Variants in ABAT observed in about 807,000 individuals in gnomAD.
The protein encoded by ABAT is 4-aminobutyrate aminotransferase, mitochondrial.
ABAT carries 45 observed loss-of-function variants against 64.6 expected under a neutral mutation model. The ratio of observed to expected loss-of-function variants is 0.70; its 90% CI spans 0.55 to 0.89. The LOEUF (loss-of-function observed/expected upper bound fraction) is 0.89, where lower values mean the gene tolerates loss of function less well. Ranked by LOEUF, ABAT falls within the 40% of genes least tolerant of loss-of-function variation. The probability of loss-of-function intolerance (pLI) is 0.00; values close to 1 mark genes in which losing one functional copy is unlikely to be tolerated. For missense variants in ABAT, 633 were observed against 658.4 expected (o/e 0.96, Z 0.42); for synonymous variants, 297 against 250.5 (o/e 1.19, Z -1.75).
At chr16:8,746,521 T>G (rs1283276863) in intron 3 of ABAT, among the ~76,000 whole-genome samples, 4 of 151,842 alleles carry the variant, frequency 2.6e-5, no homozygotes, top group Middle Eastern at 3.4e-3. Context: ...GCTGGGATTT[T>G]AGGCACGCAC....
In ABAT at chr16:8,738,759, C is replaced by G. The variant is rs533866111; in HGVS notation, c.70+2950C>G. Among the ~76,000 whole-genome samples the G allele has an allele frequency of 6.4e-4, 98 of 152,032 alleles. No homozygotes were observed. The South Asian group carries it at 0.018, about 29-fold the overall frequency. On this transcript the variant is annotated intron_variant, in intron 2 of 15. Transcript: ENST00000268251. ...TCCCGGATTCAAGTGATCCTCCTGC[C>G]TCAGCCTCCCAAGTAGCTGGGATTA...
rs76760745 is a variant in ABAT at position 8,730,679 on chromosome 16, G to C, written c.-41-5020G>C. Among the ~76,000 whole-genome samples, 6 of 152,244 alleles carry C rather than the reference G, an allele frequency of 3.9e-5. No homozygotes were observed. The East Asian group carries it at 1.2e-3, about 29-fold the overall frequency. ...CTAGGATGGAATTTCTGTCCACTGT[G>C]GGGCTGGGTAGAGTTAGGCAGCCCA... On this transcript the variant is annotated intron_variant, in intron 1 of 15. Coordinates refer to ENST00000268251, the MANE Select transcript of ABAT (RefSeq NM_020686.6).
At chr16:8,743,955 C>T (rs74391568) in intron 2 of ABAT, among the ~76,000 whole-genome samples, 3,318 of 152,158 alleles carry the variant, frequency 0.022, 122 homozygotes, top group African/African-American at 0.074. Context: ...GGATACACCG[C>T]ACCTGTCTTT....
chr16:8,737,951 A>G (rs2059006366), intron 2 of ABAT, among the ~76,000 whole-genome samples: 1 of 19,102 alleles, frequency 5.2e-5, no homozygotes, highest in Non-Finnish European at 1.2e-4. Flanking sequence ...AAAGGAAGAA[A>G]GGAAGGAAGG....
intron 1 of ABAT, among the ~76,000 whole-genome samples, chr16:8,706,204 G>A (rs1234596991): frequency 6.7e-6 from 1 of 150,276 alleles, no homozygotes; most frequent in Non-Finnish European, 1.5e-5. Flanking sequence ...GACCAGTCTG[G>A]GCAACATGAT....
chr16:8,784,318 G>A lies in ABAT; in HGVS notation c.*2888G>A, dbSNP rs964273231. ...ACGCTCAGTAACCATGCAAAATTGT[G>A]TATAGCATTAATGTATCTACATACC... On this transcript the variant is annotated 3_prime_UTR_variant, in exon 16 of 16. Transcript: ENST00000268251. 6.6e-6 allele frequency: 1 copy of A among 152,596 alleles called. No homozygotes were observed. Among genetic ancestry groups the A allele is most frequent in the Non-Finnish European group, 1.5e-5 (1 of 68,022 alleles). The allele number at this position is 152,596 out of a possible 1,614,324, so 9.5% of individuals were successfully genotyped here.
intron 9 of ABAT, 94 bp downstream of exon 9, chr16:8,766,364 G>A: frequency 1.6e-6 from 2 of 1,285,400 alleles, no homozygotes; most frequent in Non-Finnish European, 2.2e-6. Flanking sequence ...CCTCAATTAG[G>A]AAGGGCCAGG....
At chr16:8,754,521 C>A (rs564809431) in intron 5 of ABAT, among the ~76,000 whole-genome samples, 3 of 152,164 alleles carry the variant, frequency 2.0e-5, no homozygotes, top group African/African-American at 4.8e-5. Flanking sequence ...TTAGTGTGAA[C>A]CTTGTGGTGG....
intron 1 of ABAT, among the ~76,000 whole-genome samples, chr16:8,723,212 G>A (rs1201675722): frequency 1.3e-5 from 2 of 152,170 alleles, no homozygotes; most frequent in East Asian, 3.8e-4. Flanking sequence ...CAGCCTGGGT[G>A]ACAGAGTAAG....
intron 1 of ABAT, among the ~76,000 whole-genome samples, chr16:8,712,332 C>T (rs1473766912): frequency 6.6e-6 from 1 of 152,188 alleles, no homozygotes; most frequent in Admixed American, 6.5e-5. Flanking sequence ...ATACTGATGT[C>T]TACAGTTAAC....
intron 2 of ABAT, among the ~76,000 whole-genome samples, chr16:8,744,534 G>A (rs1214736167): frequency 3.3e-5 from 5 of 151,710 alleles, no homozygotes; most frequent in Non-Finnish European, 5.9e-5. Flanking sequence ...CACCCGGCTA[G>A]TTTTTATATT....
intron 1 of ABAT, among the ~76,000 whole-genome samples, chr16:8,685,520 A>AC (rs2057434629): frequency 6.6e-6 from 1 of 151,624 alleles, no homozygotes; most frequent in African/African-American, 2.4e-5. Flanking sequence ...AAATACAAAA[A>AC]AAAAAATTAG....
chr16:8,748,451 C>T (rs1033976673), intron 4 of ABAT, among the ~76,000 whole-genome samples: 1 of 152,004 alleles, frequency 6.6e-6, no homozygotes, highest in Non-Finnish European at 1.5e-5. Context: ...TATGGCCTAG[C>T]GTATGGTCTA....
chr16:8,726,599 A>G (rs993472971), intron 1 of ABAT, among the ~76,000 whole-genome samples: 1 of 152,180 alleles, frequency 6.6e-6, no homozygotes, highest in Non-Finnish European at 1.5e-5. Flanking sequence ...CTGTTATTGG[A>G]CACTCAGGTT....
At chr16:8,737,322 C>G (rs1596442750) in intron 2 of ABAT, 1 of 151,000 alleles carries the variant, frequency 6.6e-6, no homozygotes, top group African/African-American at 2.4e-5. Context: ...ACCAAAAATA[C>G]AAAAATTAGC....
intron 1 of ABAT, among the ~76,000 whole-genome samples, chr16:8,680,975 T>A (rs537665589): frequency 0.015 from 1,963 of 127,678 alleles, 15 homozygotes; most frequent in Middle Eastern, 0.04. Flanking sequence ...TTTTTCTTTT[T>A]ATTTATCTAT....
chr16:8,708,587 C>T (rs1186671338), intron 1 of ABAT, among the ~76,000 whole-genome samples: 1 of 152,132 alleles, frequency 6.6e-6, no homozygotes, highest in Non-Finnish European at 1.5e-5. Context: ...AAGTGTGAGC[C>T]AGCGCACCTG....
chr16:8,677,302 G>A (rs772508141), intron 1 of ABAT, among the ~76,000 whole-genome samples: 22 of 152,218 alleles, frequency 1.4e-4, no homozygotes, highest in Admixed American at 7.9e-4. Flanking sequence ...AACCCTTGCC[G>A]TAGATAATCT....
intron 1 of ABAT, among the ~76,000 whole-genome samples, chr16:8,694,061 G>A (rs993969988): frequency 1.3e-5 from 2 of 151,248 alleles, no homozygotes; most frequent in Admixed American, 1.3e-4. Context: ...ACAGAATCTC[G>A]CACTGTCACC....
Sources: gnomAD v4.1 joint callset for allele counts (sites outside exome capture counted in the v4.1 genomes callset) on GRCh38, gnomAD v4.1.1 for gene constraint, MANE v1.5 for transcripts, NCBI Gene and HGNC (gene_info 2026-07-23, HGNC 2026-07-21) for gene names.